The following PLCXD3 variants were observed in gnomAD, a reference collection of about 807,000 sequenced individuals.
PLCXD3 encodes phosphatidylinositol specific phospholipase C X domain containing 3.
A neutral mutation model predicts 25.5 loss-of-function variants in PLCXD3; 19 were observed. That is an observed-to-expected ratio of 0.75 (90% CI 0.52 to 1.09). The LOEUF (loss-of-function observed/expected upper bound fraction) is 1.09. PLCXD3 is among the 50% of genes least tolerant of loss of function. The pLI is 0.00. For synonymous variants in PLCXD3, 174 were observed against 137.6 expected (o/e 1.26, Z -1.85); for missense variants, 411 against 388.1 (o/e 1.06, Z -0.50).
intron 1 of PLCXD3, among the ~76,000 whole-genome samples, chr5:41,425,051 T>C (rs1561269633): frequency 6.6e-6 from 1 of 152,236 alleles, no homozygotes; most frequent in Non-Finnish European, 1.5e-5. Flanking sequence ...TTGGTGGTTG[T>C]ATGCAGCTTT....
intron 1 of PLCXD3, among the ~76,000 whole-genome samples, chr5:41,394,672 T>C (rs1229240829): frequency 6.6e-6 from 1 of 152,178 alleles, no homozygotes; most frequent in African/African-American, 2.4e-5. Context: ...GCTATACTTA[T>C]ATTAGACAAA....
intron 1 of PLCXD3, among the ~76,000 whole-genome samples, chr5:41,409,141 CT>C (rs1561264617): frequency 6.6e-6 from 1 of 152,154 alleles, no homozygotes; most frequent in Non-Finnish European, 1.5e-5. Flanking sequence ...GAAAGATATG[CT>C]TTATTTACAA....
chr5:41,497,408 A>G (rs971552731), intron 1 of PLCXD3, among the ~76,000 whole-genome samples: 3 of 151,904 alleles, frequency 2.0e-5, no homozygotes, highest in African/African-American at 4.8e-5. Flanking sequence ...ATAGATTTTA[A>G]GTCAAATATT....
At chr5:41,332,705 C>A (rs1743857955) in intron 2 of PLCXD3, among the ~76,000 whole-genome samples, 1 of 152,054 alleles carries the variant, frequency 6.6e-6, no homozygotes, top group Non-Finnish European at 1.5e-5. Context: ...AAATGTCCAA[C>A]AATGATAGAC....
chr5:41,381,688 C>G, intron 2 of PLCXD3, 138 bp downstream of exon 2: 1 of 704,924 alleles, frequency 1.4e-6, no homozygotes. Context: ...TTTTAAGAAA[C>G]CCAATTAGTG....
intron 1 of PLCXD3, among the ~76,000 whole-genome samples, chr5:41,425,096 T>A (rs571394701): frequency 6.6e-6 from 1 of 151,094 alleles, no homozygotes; most frequent in South Asian, 2.1e-4. Context: ...TTGGTAAATC[T>A]TTCTTTTAAT....
chr5:41,491,927 C>T (rs1436593796), intron 1 of PLCXD3, among the ~76,000 whole-genome samples: 3 of 152,136 alleles, frequency 2.0e-5, no homozygotes, highest in African/African-American at 7.2e-5. Context: ...GTATTTAGTC[C>T]ATTTACATTT....
At chr5:41,448,945 C>A (rs1016259652) in intron 1 of PLCXD3, among the ~76,000 whole-genome samples, 2 of 152,116 alleles carry the variant, frequency 1.3e-5, no homozygotes, top group African/African-American at 4.8e-5. Flanking sequence ...TCAGTCAGAC[C>A]CAAATGCTAA....
intron 1 of PLCXD3, among the ~76,000 whole-genome samples, chr5:41,421,596 G>A (rs542151641): frequency 2.0e-5 from 3 of 152,164 alleles, no homozygotes; most frequent in Non-Finnish European, 4.4e-5. Context: ...AGCTACTCGG[G>A]AGGCTGAGGC....
intron 1 of PLCXD3, among the ~76,000 whole-genome samples, chr5:41,384,685 A>C (rs183648739): frequency 1.3e-5 from 2 of 152,244 alleles, no homozygotes; most frequent in African/African-American, 4.8e-5. Flanking sequence ...GCAAGTAAAA[A>C]AATTGTAAAA....
chr5:41,384,610 A>G (rs939774428), intron 1 of PLCXD3, among the ~76,000 whole-genome samples: 13 of 152,118 alleles, frequency 8.5e-5, no homozygotes, highest in African/African-American at 1.2e-4. Context: ...TTCTTTTACT[A>G]GAAATGAGTG....
At chr5:41,447,228 T>C (rs1264755295) in intron 1 of PLCXD3, among the ~76,000 whole-genome samples, 1 of 152,142 alleles carries the variant, frequency 6.6e-6, no homozygotes, top group African/African-American at 2.4e-5. Context: ...TTTTACTCAT[T>C]GCTAAGCATT....
intron 1 of PLCXD3, among the ~76,000 whole-genome samples, chr5:41,443,462 CAT>C (rs1311479243): frequency 2.0e-5 from 3 of 152,124 alleles, no homozygotes; most frequent in Admixed American, 1.3e-4. Flanking sequence ...TTAAGCAACA[CAT>C]GACTGTATAT....
chr5:41,314,208 T>A (rs140974053), intron 2 of PLCXD3, among the ~76,000 whole-genome samples: 2 of 152,266 alleles, frequency 1.3e-5, no homozygotes, highest in East Asian at 3.9e-4. Context: ...ATAGACATAA[T>A]AGTAAAATCC....
chr5:41,331,771 T>C (rs867403027), intron 2 of PLCXD3, among the ~76,000 whole-genome samples: 140 of 151,398 alleles, frequency 9.2e-4, no homozygotes, highest in African/African-American at 2.9e-3. Context: ...CAGAACAGAG[T>C]CCTCAGAAAT....
chr5:41,329,710 A>G (rs188089541), intron 2 of PLCXD3, among the ~76,000 whole-genome samples: 87 of 151,622 alleles, frequency 5.7e-4, no homozygotes, highest in Admixed American at 4.7e-3. Context: ...GTTCTGTGCT[A>G]ATGATAATGA....
chr5:41,371,247 T>C (rs1284099655), intron 2 of PLCXD3, among the ~76,000 whole-genome samples: 7 of 152,088 alleles, frequency 4.6e-5, no homozygotes, highest in Admixed American at 3.3e-4. Context: ...TGGCAATAAG[T>C]GATATTCCTC....
At chr5:41,437,916 A>C (rs2150510701) in intron 1 of PLCXD3, among the ~76,000 whole-genome samples, 1 of 152,364 alleles carries the variant, frequency 6.6e-6, no homozygotes, top group South Asian at 2.1e-4. Flanking sequence ...GCTATTGACC[A>C]AAATCCAGGT....
intron 2 of PLCXD3, among the ~76,000 whole-genome samples, chr5:41,362,236 T>G (rs984013210): frequency 3.9e-5 from 6 of 152,228 alleles, no homozygotes; most frequent in Admixed American, 6.5e-5. Context: ...ATTACTTTTT[T>G]GAGTCACTGT....
Sources: allele counts gnomAD v4.1 joint callset (sites outside exome capture counted in the v4.1 genomes callset), GRCh38; gene constraint gnomAD v4.1.1; transcripts MANE v1.5; gene names NCBI Gene and HGNC (gene_info 2026-07-23, HGNC 2026-07-21).